BTG3: variants seen among roughly 807,000 people sequenced by gnomAD.
The protein encoded by BTG3 is protein BTG3.
A neutral mutation model predicts 25.8 loss-of-function variants in BTG3; 4 were observed. The observed-to-expected ratio is 0.16, with a 90% CI of 0.08 to 0.36. BTG3 has a LOEUF of 0.36. Ranked by LOEUF, BTG3 falls within the 10% of genes least tolerant of loss-of-function variation. BTG3 has a pLI of 1.00. For synonymous variants in BTG3, 107 were observed against 99.9 expected, an observed-to-expected ratio of 1.07 and a Z score of -0.42; for missense variants, 201 against 304.9, an observed-to-expected ratio of 0.66 and a Z score of 2.54.
intron 4 of BTG3, 45 bp downstream of exon 4, chr21:17,598,572 C>A: frequency 6.5e-7 from 1 of 1,540,174 alleles, no homozygotes; most frequent in Admixed American, 1.7e-5. Flanking sequence ...AAGGTCCTGG[C>A]AATCCCTGCA....
chr21:17,606,117 T>A (rs1036452618), intron 2 of BTG3, among the ~76,000 whole-genome samples: 1 of 152,214 alleles, frequency 6.6e-6, no homozygotes, highest in African/African-American at 2.4e-5. Context: ...ATAAGCATTT[T>A]AAAAAATTTA....
chr21:17,604,837 A>G, intron 3 of BTG3, 23 bp downstream of exon 3: 1 of 1,607,402 alleles, frequency 6.2e-7, no homozygotes, highest in Non-Finnish European at 8.5e-7. Flanking sequence ...TCATCAGTTC[A>G]GCCTCTAAAC....
intron 3 of BTG3, among the ~76,000 whole-genome samples, chr21:17,602,523 GT>G (rs776706688): frequency 6.6e-6 from 1 of 152,098 alleles, no homozygotes; most frequent in Middle Eastern, 3.4e-3. Context: ...TTTTTCTTCT[GT>G]TAACTTATAT....
At chr21:17,594,434 ATC>A in intron 4 of BTG3, 102 bp from the exon 5 acceptor site, 1 of 1,360,130 alleles carries the variant, frequency 7.4e-7, no homozygotes, top group African/African-American at 1.5e-5. Flanking sequence ...CAACACTGAG[ATC>A]ACATCTAAGT....
chr21:17,599,025 A>T, intron 3 of BTG3: 1 of 475,128 alleles, frequency 2.1e-6, no homozygotes. Context: ...TGGTCTATTT[A>T]AGTATTCATA....
chr21:17,602,432 C>T (rs898486439), intron 3 of BTG3, among the ~76,000 whole-genome samples: 2 of 152,082 alleles, frequency 1.3e-5, no homozygotes, highest in African/African-American at 4.8e-5. Context: ...GATATTTGAT[C>T]AATTGTATAC....
intron 3 of BTG3, among the ~76,000 whole-genome samples, chr21:17,600,439 T>A (rs893930931): frequency 1.3e-5 from 2 of 152,236 alleles, no homozygotes; most frequent in African/African-American, 4.8e-5. Flanking sequence ...GTTAATTCAT[T>A]TCAAGATAGC....
At chr21:17,607,948 T>C (rs2061666643) in intron 2 of BTG3, among the ~76,000 whole-genome samples, 2 of 152,198 alleles carry the variant, frequency 1.3e-5, no homozygotes, top group Admixed American at 1.3e-4. Context: ...ATGTACCTTA[T>C]ACAGCAGAGT....
At chr21:17,610,820 A>T (rs956174769) in intron 1 of BTG3, among the ~76,000 whole-genome samples, 1 of 152,226 alleles carries the variant, frequency 6.6e-6, no homozygotes, top group African/African-American at 2.4e-5. Context: ...AATAAAGCTG[A>T]TTGTTAGCTT....
intron 3 of BTG3, among the ~76,000 whole-genome samples, chr21:17,604,445 CAAA>C (rs997982877): frequency 1.3e-5 from 2 of 148,576 alleles, no homozygotes; most frequent in African/African-American, 2.5e-5. Flanking sequence ...AACTCCGTCC[CAAA>C]AAAAAAGAGG....
rs957751489 is a variant in BTG3 at position 17,612,838 on chromosome 21, C to A, written c.-148G>T. ...AGCCTCGTCCGGCGCGTGCGGCTCC[C>A]GCGTCGTCGGGCGGCCAAGCGCGCG... On this transcript the variant is annotated 5_prime_UTR_variant, in exon 1 of 5. Transcript: ENST00000348354. 2 of 152,136 alleles carry A rather than the reference C, an allele frequency of 1.3e-5. No homozygotes were observed. Among genetic ancestry groups the A allele is most frequent in the African/African-American group, 4.8e-5 (2 of 41,450 alleles). 9.4% of individuals were successfully genotyped at this position (152,136 alleles called of 1,614,324 possible). A position where few individuals can be genotyped will look rare whatever the true frequency, so the allele number is the denominator to read the frequency against.
intron 1 of BTG3, chr21:17,612,404 G>A (rs1402803124): frequency 6.6e-6 from 1 of 152,298 alleles, no homozygotes; most frequent in African/African-American, 2.4e-5. Flanking sequence ...CCCACCCGGA[G>A]GCGGAATGTA....
In BTG3 at chr21:17,607,702, T is replaced by C. The variant is rs2061662343; in HGVS notation, c.173+1270A>G. Among the ~76,000 whole-genome samples, 3 of 152,312 alleles carry C rather than the reference T, an allele frequency of 2.0e-5. No individual in the cohort carries two copies. The South Asian group carries it at 6.2e-4, about 32-fold the overall frequency. On this transcript the variant is annotated intron_variant, in intron 2 of 4. Coordinates refer to ENST00000348354, the MANE Select transcript of BTG3 (RefSeq NM_006806.5). ...TCAAAGCACAAAGTGTTGATTTGTG[T>C]AGGAAACTTTGGGGACATCAATATA...
chr21:17,598,902 C>T, intron 3 of BTG3, 78 bp from the exon 4 acceptor site: 3 of 1,102,426 alleles, frequency 2.7e-6, no homozygotes, highest in Non-Finnish European at 3.9e-6. Flanking sequence ...ACAAAGAGAT[C>T]TGGACATGCC....
At chr21:17,597,626 TATATAC>T (rs201457103) in intron 4 of BTG3, among the ~76,000 whole-genome samples, 26 of 152,100 alleles carry the variant, frequency 1.7e-4, no homozygotes, top group African/African-American at 2.6e-4. Flanking sequence ...AGGTACATGT[TATATAC>T]ATATACATAT....
At chr21:17,609,640 A>G (rs1271186642) in intron 1 of BTG3, among the ~76,000 whole-genome samples, 1 of 152,264 alleles carries the variant, frequency 6.6e-6, no homozygotes, top group Admixed American at 6.5e-5. Flanking sequence ...CAGAGTTATC[A>G]TATGACACGG....
rs2824394 is a variant in BTG3 at position 17,607,604 on chromosome 21, A to G, written c.173+1368T>C. ...TGAGAAATTAGCAAATAATATGTTT[A>G]CCTCCTTTTTAGACTCCTTGAATAG... On this transcript the variant is annotated intron_variant, in intron 2 of 4. Transcript: ENST00000348354. Among the ~76,000 whole-genome samples the G allele has an allele frequency of 6.3e-3, 967 of 152,304 alleles. 59 individuals are homozygous for G. In the East Asian group the frequency reaches 0.13, roughly 21 times the overall value.
At position 17,594,014 on chromosome 21, in the gene BTG3, A is replaced by C; in HGVS notation, c.*79T>G. The C allele has an allele frequency of 6.7e-7, 1 of 1,499,780 alleles. No homozygotes were observed. The allele number at this position is 1,499,780 out of a possible 1,614,324, so 92.9% of individuals were successfully genotyped here. On this transcript the variant is annotated 3_prime_UTR_variant, in exon 5 of 5. Transcript: ENST00000348354. ...CCATCTAACTTCACTACTATTAGTA[A>C]GAACTTTTAACTTTTAATGTGTAGT... is the stretch of plus-strand genomic sequence containing the variant.
At chr21:17,602,098 T>C (rs896443574) in intron 3 of BTG3, among the ~76,000 whole-genome samples, 3 of 151,902 alleles carry the variant, frequency 2.0e-5, no homozygotes, top group Admixed American at 6.6e-5. Context: ...TTTAGTTATT[T>C]AGAAACAATC....
Sources: gnomAD v4.1 joint callset for allele counts (sites outside exome capture counted in the v4.1 genomes callset) on GRCh38, gnomAD v4.1.1 for gene constraint, MANE v1.5 for transcripts, NCBI Gene and HGNC (gene_info 2026-07-23, HGNC 2026-07-21) for gene names.